Variants in MAPK8 observed in about 807,000 individuals in gnomAD.
MAPK8 encodes mitogen-activated protein kinase 8, also known as JUN N-terminal kinase.
In MAPK8, 13 loss-of-function variants were observed where a neutral mutation model predicts 52.9. That is an observed-to-expected ratio of 0.25 (90% CI 0.16 to 0.39). The LOEUF (loss-of-function observed/expected upper bound fraction) is 0.39. Ranked by LOEUF, MAPK8 falls within the 10% of genes least tolerant of loss-of-function variation. MAPK8 has a pLI of 1.00. For synonymous variants in MAPK8, 191 were observed against 169.8 expected, an observed-to-expected ratio of 1.12 and a Z score of -0.97; for missense variants, 300 against 519.2, an observed-to-expected ratio of 0.58 and a Z score of 4.10.
At chr10:48,402,915 A>G (rs1011107193) in intron 2 of MAPK8, among the ~76,000 whole-genome samples, 4 of 152,212 alleles carry the variant, frequency 2.6e-5, no homozygotes, top group Non-Finnish European at 4.4e-5. Flanking sequence ...AACTGGAGCC[A>G]TATGTGTCAA....
intron 10 of MAPK8, 68 bp downstream of exon 10, chr10:48,427,211 A>G: frequency 8.6e-7 from 1 of 1,168,836 alleles, no homozygotes; most frequent in South Asian, 1.3e-5. Flanking sequence ...GTGATTTATT[A>G]TCATGTTAGA....
At chr10:48,425,813 T>C in intron 7 of MAPK8, 75 bp from the exon 8 acceptor site, 1 of 964,148 alleles carries the variant, frequency 1.0e-6, no homozygotes, top group Non-Finnish European at 1.5e-6. Flanking sequence ...TAAATTTCTA[T>C]TTTCTTGTAA....
chr10:48,396,870 C>T (rs1589177858), intron 1 of MAPK8, among the ~76,000 whole-genome samples: 1 of 152,308 alleles, frequency 6.6e-6, no homozygotes, highest in African/African-American at 2.4e-5. Flanking sequence ...AGATACACAT[C>T]CTTTGTCAGA....
At chr10:48,366,192 T>TG (rs1489896945) in intron 1 of MAPK8, among the ~76,000 whole-genome samples, 2 of 151,844 alleles carry the variant, frequency 1.3e-5, no homozygotes, top group Non-Finnish European at 2.9e-5. Flanking sequence ...TTTTTTCCTA[T>TG]GGGAAAAAAA....
At chr10:48,426,281 T>A in intron 8 of MAPK8, 99 bp from the exon 9 acceptor site, 1 of 1,082,416 alleles carries the variant, frequency 9.2e-7, no homozygotes, top group East Asian at 2.8e-5. Context: ...GTAATATTTT[T>A]AAAACATATG....
At position 48,393,547 on chromosome 10, in the gene MAPK8, C is replaced by T. The variant is rs368149745; in HGVS notation, c.-49-8065C>T. On this transcript the variant is annotated intron_variant, in intron 1 of 11. Transcript: ENST00000374189. ...GATGTAATACCACGGACTAGATTTA[C>T]CCTCTAGCTGTAAACAAATAGAAAA... Among the ~76,000 whole-genome samples, 58 of 152,118 alleles carry T rather than the reference C, an allele frequency of 3.8e-4. 2 individuals carry two copies. The East Asian group carries it at 9.3e-3, about 24-fold the overall frequency.
chr10:48,308,033 GA>G (rs1307464692), intron 1 of MAPK8: 2 of 152,226 alleles, frequency 1.3e-5, no homozygotes, highest in Non-Finnish European at 2.9e-5. Context: ...ATAGGAAGTA[GA>G]ATTAGATTTG....
chr10:48,361,918 C>T (rs1847568524), intron 1 of MAPK8, among the ~76,000 whole-genome samples: 1 of 152,196 alleles, frequency 6.6e-6, no homozygotes, highest in African/African-American at 2.4e-5. Flanking sequence ...TGAGTTCTAG[C>T]TTCTTCCTCA....
chr10:48,354,616 C>G (rs1394117664), intron 1 of MAPK8, among the ~76,000 whole-genome samples: 1 of 152,136 alleles, frequency 6.6e-6, no homozygotes, highest in Non-Finnish European at 1.5e-5. Flanking sequence ...ATTTGTACCT[C>G]TAATAAGTTT....
At chr10:48,328,937 A>G (rs995810668) in intron 1 of MAPK8, among the ~76,000 whole-genome samples, 8 of 150,470 alleles carry the variant, frequency 5.3e-5, no homozygotes, top group Admixed American at 5.2e-4. Flanking sequence ...ATTTTTCTGC[A>G]TCTCTACAGT....
intron 1 of MAPK8, among the ~76,000 whole-genome samples, chr10:48,307,693 A>G (rs61840548): frequency 0.046 from 6,965 of 152,214 alleles, 184 homozygotes; most frequent in African/African-American, 0.073. Flanking sequence ...AGTGATTACT[A>G]TTTTTACCTC....
At position 48,424,168 on chromosome 10, in the gene MAPK8, G is replaced by C; in HGVS notation, c.688+9G>C. Reference sequence around the variant, plus strand: ...CTTTCCAGGAAGGGACTGTATCCTTGTGCTGCTGCAGCAGTTAATTAGTTA... The same window carrying C: ...CTTTCCAGGAAGGGACTGTATCCTTCTGCTGCTGCAGCAGTTAATTAGTTA... On this transcript the variant is annotated intron_variant, in intron 7 of 11. Transcript: ENST00000374189. The C allele has an allele frequency of 6.2e-7, 1 of 1,610,102 alleles. No homozygotes were observed. The highest frequency in any genetic ancestry group is 1.3e-5 in the African/African-American group (1 of 74,852).
rs902265759 is a variant in MAPK8 at position 48,417,456 on chromosome 10, C to A, written c.451-2699C>A. ...ATTATGTGAAAATGATGCATAGAAA[C>A]CAACCCAAGATATCAGTGGCTTAAG... is the stretch of plus-strand genomic sequence containing the variant. On this transcript the variant is annotated intron_variant, in intron 5 of 11. Coordinates refer to ENST00000374189, the MANE Select transcript of MAPK8 (RefSeq NM_001323329.2). Among the ~76,000 whole-genome samples the A allele has an allele frequency of 5.3e-5, 8 of 152,128 alleles. No individual in the cohort carries two copies. In the South Asian group the frequency reaches 1.7e-3, roughly 32 times the overall value.
intron 1 of MAPK8, among the ~76,000 whole-genome samples, chr10:48,340,247 C>T (rs1163154041): frequency 3.9e-5 from 6 of 152,174 alleles, no homozygotes; most frequent in African/African-American, 1.4e-4. Flanking sequence ...ATGTCCTTTA[C>T]AGCAACGTGG....
Position 48,328,051 on chromosome 10 carries a change from C to G in MAPK8, c.-50+21230C>G, listed in dbSNP as rs535495835. Among the ~76,000 whole-genome samples the G allele has an allele frequency of 1.5e-3, 221 of 152,252 alleles. 3 individuals carry two copies. The highest frequency in any genetic ancestry group is 2.4e-3 in the Admixed American group (37 of 15,302). On this transcript the variant is annotated intron_variant, in intron 1 of 11. Coordinates refer to ENST00000374189, the MANE Select transcript of MAPK8 (RefSeq NM_001323329.2). ...GTTTTTTTTGAGACAAAGAGTCTCA[C>G]TGTCACCCAGGCTGGAATGCAGTGG...
At position 48,435,012 on chromosome 10, in the gene MAPK8, C is replaced by G. The variant is rs1325673457; in HGVS notation, c.1267C>G (p.Leu423Val). The G allele has an allele frequency of 7.8e-7, 1 of 1,287,938 alleles. No homozygotes were observed. The highest frequency in any genetic ancestry group is 1.7e-5 in the African/African-American group (1 of 58,964). The allele number at this position is 1,287,938 out of a possible 1,614,324, so 79.8% of individuals were successfully genotyped here. A position where few individuals can be genotyped will look rare whatever the true frequency, so the allele number is the denominator to read the frequency against. The change falls in exon 12 of 12, where the codon CTG (leucine) becomes GTG (valine). Residue 423 changes from leucine (L) to valine (V), a missense_variant. Physicochemically the swap from Leu to Val is conservative, Grantham distance 32. Around this residue, in one of 3 missense-constraint regions of MAPK8, gnomAD observed 119 missense variants for 154.4 expected, o/e 0.77. Coordinates refer to ENST00000374189, the MANE Select transcript of MAPK8 (RefSeq NM_001323329.2). Reference sequence around the variant, plus strand: ...CAGTCTAGAAGCAGCAGCTGGGCCTCTGGGCTGCTGTAGATGACTACTTGG... The same window carrying G: ...CAGTCTAGAAGCAGCAGCTGGGCCTGTGGGCTGCTGTAGATGACTACTTGG... ...DSSLEAAAGP[L>V]GCCR
intron 5 of MAPK8, 106 bp downstream of exon 5, chr10:48,410,274 C>A: frequency 1.2e-6 from 1 of 850,232 alleles, no homozygotes; most frequent in Non-Finnish European, 1.7e-6. Context: ...ATTCACAGTG[C>A]TGTACAACTA....
At chr10:48,353,336 C>T (rs1016165131) in intron 1 of MAPK8, among the ~76,000 whole-genome samples, 1 of 152,152 alleles carries the variant, frequency 6.6e-6, no homozygotes, top group African/African-American at 2.4e-5. Flanking sequence ...TACTCAATTT[C>T]GACTTATAAA....
chr10:48,346,163 G>A (rs1845752415), intron 1 of MAPK8, among the ~76,000 whole-genome samples: 1 of 152,034 alleles, frequency 6.6e-6, no homozygotes, highest in African/African-American at 2.4e-5. Flanking sequence ...AAGAGACAGG[G>A]GACACGAGCT....
Sources: allele counts gnomAD v4.1 joint callset (sites outside exome capture counted in the v4.1 genomes callset), GRCh38; gene constraint gnomAD v4.1.1; regional missense constraint gnomAD v4.1.1; transcripts MANE v1.5; gene names NCBI Gene and HGNC (gene_info 2026-07-23, HGNC 2026-07-21).